ADCYAP1: variants seen among roughly 807,000 people sequenced by gnomAD.
ADCYAP1 encodes the protein pituitary adenylate cyclase-activating polypeptide.
Under a neutral mutation model 18.5 loss-of-function variants are expected in ADCYAP1, and 6 were observed. The ratio of observed to expected loss-of-function variants is 0.32; its 90% confidence interval spans 0.18 to 0.64. The LOEUF (loss-of-function observed/expected upper bound fraction) is 0.64. Among genes scored for constraint, ADCYAP1 ranks in the 30% least tolerant of loss-of-function variants. The pLI, the probability that ADCYAP1 is intolerant of heterozygous loss-of-function variation, is 0.77. For missense variants in ADCYAP1, 314 were observed against 253.6 expected (o/e 1.24, Z -1.62); for synonymous variants, 136 against 113.9 (o/e 1.19, Z -1.24).
rs770678290 is a variant in ADCYAP1 at position 907,646 on chromosome 18, G to C, written c.111-13G>C. ...TGCACTGACCACACCTTCTGTCCCC[G>C]GCCACCCCGCAGGCCAGAGGAAGAG... is the stretch of plus-strand genomic sequence containing the variant. On this transcript the variant is annotated splice_polypyrimidine_tract_variant and intron_variant, in intron 2 of 4. Coordinates refer to ENST00000450565, the MANE Select transcript of ADCYAP1 (RefSeq NM_001099733.2). 33 of 1,579,974 alleles carry C rather than the reference G, an allele frequency of 2.1e-5. No individual in the cohort carries two copies. The East Asian group carries it at 2.6e-4, about 12-fold the overall frequency.
chr18:909,613 G>T lies in ADCYAP1; in HGVS notation c.509G>T (p.Gly170Val). 1 of 1,613,810 alleles carries T rather than the reference G, an allele frequency of 6.2e-7. No homozygotes were observed. The highest frequency in any genetic ancestry group is 8.5e-7 in the Non-Finnish European group (1 of 1,179,836). The change falls in exon 5 of 5, where the codon GGA becomes GTA. Residue 170 changes from glycine (G) to valine (V), a missense_variant. By Grantham distance (109) the Gly-to-Val change is moderately radical. Transcript: ENST00000450565. ...KRYKQRVKNK[G>V]RRIAYL ...TATAAACAAAGGGTTAAAAACAAAGGACGCCGAATAGCTTATTTGTAGCGA... is the reference window on the plus strand; with the variant it reads ...TATAAACAAAGGGTTAAAAACAAAGTACGCCGAATAGCTTATTTGTAGCGA...
In ADCYAP1 at chr18:910,770, CT is replaced by C; in HGVS notation, c.*1139del. On this transcript the variant is annotated 3_prime_UTR_variant, in exon 5 of 5. Transcript: ENST00000450565. ...TGAAACCTGCTCTGTAGGAGCTACC[CT>C]TTTCCTTTGTGGTTTTATGGAGACC... The C allele has an allele frequency of 6.6e-6, 1 of 152,342 alleles. No individual in the cohort carries two copies. Among genetic ancestry groups the C allele is most frequent in the Non-Finnish European group, 1.5e-5 (1 of 68,060 alleles). The allele number at this position is 152,342 out of a possible 1,614,324, so 9.4% of individuals were successfully genotyped here. A position where few individuals can be genotyped will look rare whatever the true frequency, so the allele number is the denominator to read the frequency against.
At chr18:904,594 C>T, upstream of ADCYAP1, 1 of 1,269,422 alleles carries the variant, frequency 7.9e-7, no homozygotes, top group Non-Finnish European at 1.0e-6. Flanking sequence ...GACCTCGGAG[C>T]AGAGAAGGCG....
At chr18:909,182 G>A (rs1469155349) in intron 4 of ADCYAP1, among the ~76,000 whole-genome samples, 1 of 152,232 alleles carries the variant, frequency 6.6e-6, no homozygotes, top group Non-Finnish European at 1.5e-5. Context: ...CTTGAAGCGC[G>A]CGTCGCCTGC....
chr18:910,873 T>C lies in ADCYAP1; in HGVS notation c.*1238T>C, dbSNP rs753365616. 2 of 128,784 alleles carry C rather than the reference T, an allele frequency of 1.6e-5. No homozygotes were observed. Among genetic ancestry groups the C allele is most frequent in the African/African-American group, 3.0e-5 (1 of 33,660 alleles). The allele number at this position is 128,784 out of a possible 1,614,324, so 8.0% of individuals were successfully genotyped here. ...CACTTCTCTTAAACTTGTGAATGCT[T>C]CTCACTTTTTTTTTTTGTTTGATGC... On this transcript the variant is annotated 3_prime_UTR_variant, in exon 5 of 5. Transcript: ENST00000450565.
rs555428720 is a variant in ADCYAP1, at chr18:904,943, A to T, written c.-119A>T. 3.9e-5 allele frequency: 50 copies of T among 1,290,566 alleles called. No homozygotes were observed. The African/African-American group carries it at 7.3e-4, about 19-fold the overall frequency. The allele number at this position is 1,290,566 out of a possible 1,614,324, so 79.9% of individuals were successfully genotyped here. On this transcript the variant is annotated 5_prime_UTR_variant, in exon 1 of 5. Coordinates refer to ENST00000450565, the MANE Select transcript of ADCYAP1 (RefSeq NM_001099733.2). ...CCGCTGGTTCCTGCGGCTTCTGCTC[A>T]GACACCAACGCCAGACGGCGATGCC...
At chr18:909,352 G>A in intron 4 of ADCYAP1, 94 bp from the exon 5 acceptor site, 1 of 1,292,776 alleles carries the variant, frequency 7.7e-7, no homozygotes, top group Non-Finnish European at 1.0e-6. Flanking sequence ...CCTCCCCGAA[G>A]GCTCCCGCGT....
chr18:911,440 A>T lies in ADCYAP1; in HGVS notation c.*1805A>T, dbSNP rs1311588498. 6.6e-6 allele frequency: 1 copy of T among 151,792 alleles called. No individual in the cohort carries two copies. The highest frequency in any genetic ancestry group is 1.5e-5 in the Non-Finnish European group (1 of 67,966). The allele number at this position is 151,792 out of a possible 1,614,324, so 9.4% of individuals were successfully genotyped here. A position where few individuals can be genotyped will look rare whatever the true frequency, so the allele number is the denominator to read the frequency against. Reference sequence around the variant, plus strand: ...AAGAAAAAAAAAAGAACAAGGAAAGATTAAACGTTAGCTTGTAAAGTTTAA... The same window carrying T: ...AAGAAAAAAAAAAGAACAAGGAAAGTTTAAACGTTAGCTTGTAAAGTTTAA... On this transcript the variant is annotated 3_prime_UTR_variant, in exon 5 of 5. Transcript: ENST00000450565.
At position 908,330 on chromosome 18, in the gene ADCYAP1, A is replaced by T; in HGVS notation, c.308A>T (p.Lys103Met). 1 of 1,613,402 alleles carries T rather than the reference A, an allele frequency of 6.2e-7. No homozygotes were observed. Among genetic ancestry groups the T allele is most frequent in the Non-Finnish European group, 8.5e-7 (1 of 1,179,758 alleles). Reference sequence around the variant, plus strand: ...GTGCTGGACCAGCTGTCCGCCGGGAAGCACCTGCAGTCGCTCGTGGCCCGG... The same window carrying T: ...GTGCTGGACCAGCTGTCCGCCGGGATGCACCTGCAGTCGCTCGTGGCCCGG... ...RKVLDQLSAG[K>M]HLQSLVARGV... The change falls in exon 4 of 5, where the codon AAG (lysine) becomes ATG (methionine). Residue 103 changes from lysine to methionine, a missense_variant. By Grantham distance (95) the Lys-to-Met change is moderately conservative (BLOSUM62 -1). Transcript: ENST00000450565.
At chr18:905,768 C>G (rs556661698) in intron 2 of ADCYAP1, 25 of 493,416 alleles carry the variant, frequency 5.1e-5, no homozygotes, top group African/African-American at 4.4e-4. Context: ...GAGAACCCCC[C>G]CTCCCCCAAC....
At chr18:905,705 C>T (rs982351688) in intron 2 of ADCYAP1, 68 of 615,922 alleles carry the variant, frequency 1.1e-4, no homozygotes, top group Non-Finnish European at 1.7e-4. Context: ...ACGCCTCCCC[C>T]AGCCCTAGGC....
upstream of ADCYAP1, chr18:904,594 C>A: frequency 7.9e-7 from 1 of 1,269,422 alleles, no homozygotes; most frequent in Non-Finnish European, 1.0e-6. Context: ...GACCTCGGAG[C>A]AGAGAAGGCG....
intron 2 of ADCYAP1, among the ~76,000 whole-genome samples, chr18:906,918 G>T (rs1909190032): frequency 1.3e-5 from 2 of 152,234 alleles, no homozygotes; most frequent in South Asian, 4.1e-4. Flanking sequence ...CGAACTATTC[G>T]TTTAGTGGCC....
chr18:904,786 T>C (rs1909093471), upstream of ADCYAP1: 1 of 1,279,820 alleles, frequency 7.8e-7, no homozygotes, highest in African/African-American at 1.5e-5. Flanking sequence ...TCGCCCCCTC[T>C]TTCTTTCTTC....
In ADCYAP1 at chr18:907,688, G is replaced by T; in HGVS notation, c.140G>T (p.Gly47Val). 6.4e-7 allele frequency: 1 copy of T among 1,572,154 alleles called. No homozygotes were observed. ...RPEEEAYGED[G>V]NPLPDFDGSE... is the part of the protein sequence containing the mutation. ...GAGGAAGAGGCGTACGGCGAGGACG[G>T]AAACCCGCTGCCAGACTTCGATGGC... The change falls in exon 3 of 5, where the codon GGA becomes GTA. Residue 47 changes from glycine (G) to valine (V), a missense_variant. Physicochemically the swap from Gly to Val is moderately radical, Grantham distance 109 (BLOSUM62 -3). Transcript: ENST00000450565.
At chr18:908,415 C>G in intron 4 of ADCYAP1, 52 bp downstream of exon 4, 1 of 1,488,376 alleles carries the variant, frequency 6.7e-7, no homozygotes, top group Non-Finnish European at 9.2e-7. Flanking sequence ...GGTGCCTGTG[C>G]GGGGCGCGCG....
rs75827920 is a variant in ADCYAP1, at chr18:908,273, C to T, written c.251C>T (p.Ala84Val). ...WYRPAGRRDV[A>V]HGILNEAYRK... ...CTTTGCCTCCCCGTTAGAGATGTCGCCCACGGGATCCTTAACGAGGCCTAC... is the reference window on the plus strand; with the variant it reads ...CTTTGCCTCCCCGTTAGAGATGTCGTCCACGGGATCCTTAACGAGGCCTAC... Residue 84 changes from alanine to valine, a missense_variant, in exon 4 of 5, where the codon GCC (alanine) becomes GTC (valine). Physicochemically the swap from Ala to Val is moderately conservative, Grantham distance 64 (BLOSUM62 0). Coordinates refer to ENST00000450565, the MANE Select transcript of ADCYAP1 (RefSeq NM_001099733.2). 2 of 1,612,076 alleles carry T rather than the reference C, an allele frequency of 1.2e-6. No homozygotes were observed. The highest frequency in any genetic ancestry group is 1.7e-4 in the Middle Eastern group (1 of 6,056).
upstream of ADCYAP1, chr18:904,591 G>A (rs370556774): frequency 2.8e-4 from 362 of 1,272,128 alleles, 2 homozygotes; most frequent in African/African-American, 4.8e-3. Flanking sequence ...AGAGACCTCG[G>A]AGCAGAGAAG....
At chr18:908,468 G>C (rs1444282557) in intron 4 of ADCYAP1, 105 bp downstream of exon 4, 1 of 894,450 alleles carries the variant, frequency 1.1e-6, no homozygotes, top group Admixed American at 2.7e-5. Flanking sequence ...GGGTGAGTCT[G>C]CGCCCCTGGG....
Sources: gnomAD v4.1 joint callset for allele counts (sites outside exome capture counted in the v4.1 genomes callset) on GRCh38, gnomAD v4.1.1 for gene constraint, MANE v1.5 for transcripts, NCBI Gene and HGNC (gene_info 2026-07-23, HGNC 2026-07-21) for gene names.